The following UHRF1 variants were observed in gnomAD, a reference collection of about 807,000 sequenced individuals.
UHRF1 encodes ubiquitin like with PHD and ring finger domains 1.
In UHRF1, 9 loss-of-function variants were observed where a neutral mutation model predicts 96.5. The observed-to-expected ratio is 0.09, with a 90% CI of 0.06 to 0.16. The LOEUF is 0.16. Among genes scored for constraint, UHRF1 ranks in the 10% least tolerant of loss-of-function variants. The pLI is 1.00. For synonymous variants in UHRF1, 455 were observed against 469.9 expected (o/e 0.97, Z 0.41); for missense variants, 626 against 1,131.1 (o/e 0.55, Z 6.40).
chr19:4,913,647 G>A (rs2032372523), intron 2 of UHRF1, among the ~76,000 whole-genome samples: 1 of 152,040 alleles, frequency 6.6e-6, no homozygotes, highest in Non-Finnish European at 1.5e-5. Flanking sequence ...CAGGGAGCTG[G>A]GATTGGAACC....
chr19:4,949,281 C>G (rs1042277931), intron 11 of UHRF1, among the ~76,000 whole-genome samples: 1 of 152,142 alleles, frequency 6.6e-6, no homozygotes, highest in Non-Finnish European at 1.5e-5. Context: ...TAGCATTCCA[C>G]TGTTGGTAGA....
rs371782092 is a variant in UHRF1, at chr19:4,960,707, C to T, written c.2286C>T (p.Cys762=). Residue 762 remains cysteine, a synonymous_variant, in exon 17 of 17, where the codon TGC becomes TGT. Coordinates refer to ENST00000650932, the MANE Select transcript of UHRF1 (RefSeq NM_001048201.3). Reference sequence around the variant, plus strand: ...CACAGGTGTTCAGCTGCCCTGCCTGCCGCTACGACCTGGGCCGCAGCTATG... The same window carrying T: ...CACAGGTGTTCAGCTGCCCTGCCTGTCGCTACGACCTGGGCCGCAGCTATG... ...FRAQVFSCPA[C]RYDLGRSYAM... 71 of 1,594,136 alleles carry T rather than the reference C, an allele frequency of 4.5e-5. No homozygotes were observed. The highest frequency in any genetic ancestry group is 5.6e-5 in the Non-Finnish European group (66 of 1,171,066).
intron 15 of UHRF1, among the ~76,000 whole-genome samples, chr19:4,956,508 G>C (rs2033860531): frequency 6.6e-6 from 1 of 152,220 alleles, no homozygotes; most frequent in Admixed American, 6.5e-5. Context: ...TTGCCACTTG[G>C]GGTGTTGGGG....
intron 5 of UHRF1, among the ~76,000 whole-genome samples, chr19:4,933,610 G>T (rs1056319815): frequency 2.0e-5 from 3 of 152,088 alleles, no homozygotes; most frequent in African/African-American, 7.2e-5. Context: ...ACACATGAAG[G>T]TTCTCCCTCC....
At chr19:4,915,071 A>G (rs2032440322) in intron 2 of UHRF1, among the ~76,000 whole-genome samples, 1 of 152,228 alleles carries the variant, frequency 6.6e-6, no homozygotes, top group African/African-American at 2.4e-5. Context: ...CATGACAACC[A>G]CAAATATTCC....
chr19:4,923,659 C>T (rs1017255384), intron 2 of UHRF1, among the ~76,000 whole-genome samples: 1 of 152,232 alleles, frequency 6.6e-6, no homozygotes, highest in Non-Finnish European at 1.5e-5. Context: ...GAGGGCCGCT[C>T]TAGCTTGGGT....
chr19:4,945,749 T>C (rs2033544349), intron 9 of UHRF1, 112 bp from the exon 10 acceptor site: 4 of 820,102 alleles, frequency 4.9e-6, no homozygotes, highest in Non-Finnish European at 8.2e-6. Flanking sequence ...CTGAGGAGTT[T>C]GGTGTAAAAG....
intron 2 of UHRF1, among the ~76,000 whole-genome samples, chr19:4,916,375 C>T (rs540204309): frequency 3.3e-5 from 5 of 152,252 alleles, no homozygotes; most frequent in African/African-American, 1.2e-4. Flanking sequence ...CGCGCCCCCT[C>T]TTTTAGCTGT....
rs772183519 is a variant in UHRF1, at chr19:4,930,325, C to G, written c.409-391C>G. Among the ~76,000 whole-genome samples, 1 of 152,194 alleles carries G rather than the reference C, an allele frequency of 6.6e-6. No individual in the cohort carries two copies. The highest frequency in any genetic ancestry group is 1.5e-5 in the Non-Finnish European group (1 of 68,036). Reference sequence around the variant, plus strand: ...GTCTTACCATGTTGCCCAGGCTAGTCTTGAATTCCGGGGCTCAAGCGATCC... The same window carrying G: ...GTCTTACCATGTTGCCCAGGCTAGTGTTGAATTCCGGGGCTCAAGCGATCC... On this transcript the variant is annotated intron_variant, in intron 3 of 16. Transcript: ENST00000650932. The surrounding 1 kb of genome is among the most constrained non-coding windows in gnomAD (Gnocchi z 4.4).
At position 4,929,217 on chromosome 19, in the gene UHRF1, T is replaced by C; in HGVS notation, c.154-5T>C. 6.2e-7 allele frequency: 1 copy of C among 1,608,956 alleles called. No individual in the cohort carries two copies. The highest frequency in any genetic ancestry group is 8.5e-7 in the Non-Finnish European group (1 of 1,176,152). ...AAACAGCGTCTGCCTCTGGTGTCCC[T>C]GCAGATGGAGGACGGCCATACCCTC... On this transcript the variant is annotated splice_polypyrimidine_tract_variant and splice_region_variant and intron_variant, in intron 2 of 16. Transcript: ENST00000650932.
At chr19:4,921,945 A>T (rs1176348322) in intron 2 of UHRF1, among the ~76,000 whole-genome samples, 1 of 152,134 alleles carries the variant, frequency 6.6e-6, no homozygotes, top group African/African-American at 2.4e-5. Context: ...TTTTATTTTT[A>T]TTTGTATTTA....
Position 4,949,121 on chromosome 19 carries a change from C to CA in UHRF1, c.1518-1477dup, listed in dbSNP as rs35300036. Among the ~76,000 whole-genome samples the CA allele has an allele frequency of 3.0e-3, 412 of 138,646 alleles. 1 individual carries two copies. The highest frequency in any genetic ancestry group is 4.1e-3 in the Non-Finnish European group (263 of 64,682). The allele number at this position is 138,646 out of a possible 152,430, so 91.0% of individuals were successfully genotyped here. On this transcript the variant is annotated intron_variant, in intron 11 of 16. Transcript: ENST00000650932. ...CTGCACTCCAGCCTGGGTGACAGAGCAAAAAAAAAAAAAGAGAATATGGAA... is the reference window on the plus strand; with the variant it reads ...CTGCACTCCAGCCTGGGTGACAGAGCAAAAAAAAAAAAAAGAGAATATGGAA...
intron 5 of UHRF1, among the ~76,000 whole-genome samples, chr19:4,940,712 G>T (rs374303385): frequency 6.6e-6 from 1 of 151,626 alleles, no homozygotes; most frequent in South Asian, 2.1e-4. Context: ...TCACTCTGTC[G>T]CCCAGGCTGG....
At chr19:4,956,373 C>G (rs1037484238) in intron 15 of UHRF1, among the ~76,000 whole-genome samples, 2 of 152,256 alleles carry the variant, frequency 1.3e-5, no homozygotes, top group African/African-American at 4.8e-5. Flanking sequence ...CCAGGAACCT[C>G]TCCTAAAGCC....
In UHRF1 at chr19:4,954,807, G is replaced by T; in HGVS notation, c.2115G>T (p.Pro705=). 1 of 1,613,662 alleles carries T rather than the reference G, an allele frequency of 6.2e-7. No homozygotes were observed. The highest frequency in any genetic ancestry group is 8.5e-7 in the Non-Finnish European group (1 of 1,179,772). ...TCCTGGCGTCACTCAAGGACCGGCC[G>T]GCGAGCGGCAGCCCGGTAGGCTCGC... is the stretch of plus-strand genomic sequence containing the variant. ...NEVLASLKDR[P]ASGSPFQLFL... The change falls in exon 15 of 17, where the codon CCG becomes CCT. Residue 705 remains proline, a synonymous_variant. Coordinates refer to ENST00000650932, the MANE Select transcript of UHRF1 (RefSeq NM_001048201.3). The surrounding 1 kb of genome is among the most constrained non-coding windows in gnomAD (Gnocchi z 5.9).
chr19:4,928,820 C>T (rs1306887231), intron 2 of UHRF1, among the ~76,000 whole-genome samples: 1 of 152,170 alleles, frequency 6.6e-6, no homozygotes, highest in African/African-American at 2.4e-5. Context: ...GGCCCAGCGT[C>T]CCCCGGGGTC....
At chr19:4,923,386 T>C (rs2032764858) in intron 2 of UHRF1, among the ~76,000 whole-genome samples, 1 of 151,910 alleles carries the variant, frequency 6.6e-6, no homozygotes, top group Non-Finnish European at 1.5e-5. Context: ...CGCCCAGGGC[T>C]GCACCTCCGA....
In UHRF1 at chr19:4,911,551, A is replaced by G. The variant is rs922009214; in HGVS notation, c.153+513A>G. On this transcript the variant is annotated intron_variant, in intron 2 of 16. Coordinates refer to ENST00000650932, the MANE Select transcript of UHRF1 (RefSeq NM_001048201.3). ...TGGAGATGGCGCTTGCTAATCAGGA[A>G]TTTCCGCCACCCTGAGCCTGCTGTG... Among the ~76,000 whole-genome samples the G allele has an allele frequency of 2.0e-5, 3 of 152,200 alleles. No homozygotes were observed. The East Asian group carries it at 5.8e-4, about 29-fold the overall frequency.
intron 16 of UHRF1, among the ~76,000 whole-genome samples, chr19:4,957,370 G>A (rs17885851): frequency 0.034 from 4,578 of 135,040 alleles, 232 homozygotes; most frequent in African/African-American, 0.11. Flanking sequence ...GTGCAGTGGC[G>A]CAGTCTCCAC....
Sources: allele counts gnomAD v4.1 joint callset (sites outside exome capture counted in the v4.1 genomes callset), GRCh38; gene constraint gnomAD v4.1.1; non-coding constraint Gnocchi (gnomAD v3.1); transcripts MANE v1.5; gene names NCBI Gene and HGNC (gene_info 2026-07-23, HGNC 2026-07-21).